Variants in MORF4L1 observed in about 807,000 individuals in gnomAD.
MORF4L1 encodes mortality factor 4-like protein 1.
Under a neutral mutation model 52.9 loss-of-function variants are expected in MORF4L1, and 4 were observed. The observed-to-expected ratio is 0.08, with a 90% CI of 0.04 to 0.17. The LOEUF (loss-of-function observed/expected upper bound fraction) is 0.17, where lower values mean the gene tolerates loss of function less well. Ranked by LOEUF, MORF4L1 falls within the 10% of genes least tolerant of loss-of-function variation. The pLI, the probability that MORF4L1 is intolerant of heterozygous loss-of-function variation, is 1.00. For synonymous variants in MORF4L1, 123 were observed against 134.8 expected, an observed-to-expected ratio of 0.91 and a Z score of 0.61; for missense variants, 214 against 390.4, an observed-to-expected ratio of 0.55 and a Z score of 3.81.
intron 1 of MORF4L1, chr15:78,873,264 A>C: frequency 1.4e-6 from 2 of 1,477,366 alleles, no homozygotes; most frequent in Non-Finnish European, 1.8e-6. Context: ...AGTGCTGCGC[A>C]GGCGTTAGAG....
At chr15:78,881,092 T>G (rs1020236826) in intron 3 of MORF4L1, among the ~76,000 whole-genome samples, 1 of 150,918 alleles carries the variant, frequency 6.6e-6, no homozygotes, top group Non-Finnish European at 1.5e-5. Context: ...TATTTAGTGT[T>G]GACCGAAAAT....
chr15:78,889,593 A>G (rs145612780), intron 5 of MORF4L1, among the ~76,000 whole-genome samples: 205 of 152,310 alleles, frequency 1.3e-3, no homozygotes, highest in African/African-American at 4.8e-3. Flanking sequence ...TGTGAAGACT[A>G]TTGGTTTCTC....
In MORF4L1 at chr15:78,879,603, G is replaced by A. The variant is rs576383487; in HGVS notation, c.88-909G>A. On this transcript the variant is annotated intron_variant, in intron 2 of 11. Coordinates refer to ENST00000426013, the MANE Select transcript of MORF4L1 (RefSeq NM_006791.4). ...CAGGAATTTCTAAGTATATGTATACGTACATACATCTTAATGATATAATGT... is the reference window on the plus strand; with the variant it reads ...CAGGAATTTCTAAGTATATGTATACATACATACATCTTAATGATATAATGT... 2.6e-5 allele frequency among the ~76,000 whole-genome samples: 4 copies of A among 152,164 alleles called. No homozygotes were observed. The South Asian group carries it at 6.2e-4, about 24-fold the overall frequency.
intron 3 of MORF4L1, among the ~76,000 whole-genome samples, chr15:78,884,065 G>A (rs1596244504): frequency 6.6e-6 from 1 of 151,912 alleles, no homozygotes; most frequent in African/African-American, 2.4e-5. Flanking sequence ...TTAGCCAGGT[G>A]TGGTGGTTCA....
intron 10 of MORF4L1, 86 bp from the exon 11 acceptor site, chr15:78,894,734 G>A (rs574217982): frequency 1.7e-4 from 171 of 1,007,300 alleles, no homozygotes; most frequent in Admixed American, 3.4e-4. Context: ...AAAGGAATTG[G>A]TGGTGTTTGC....
intron 6 of MORF4L1, 186 bp downstream of exon 6, chr15:78,891,200 T>G: frequency 1.3e-6 from 1 of 767,538 alleles, no homozygotes; most frequent in South Asian, 1.6e-5. Flanking sequence ...GAGAAACTTG[T>G]GAGCATTTAT....
At position 78,897,364 on chromosome 15, in the gene MORF4L1, ATTC is replaced by A. The variant is rs2056909214; in HGVS notation, c.*298_*300del. The A allele has an allele frequency of 3.7e-6, 1 of 269,898 alleles. No individual in the cohort carries two copies. Among genetic ancestry groups the A allele is most frequent in the Non-Finnish European group, 7.3e-6 (1 of 136,296 alleles). 16.7% of individuals were successfully genotyped at this position (269,898 alleles called of 1,614,324 possible). On this transcript the variant is annotated 3_prime_UTR_variant, in exon 12 of 12. Coordinates refer to ENST00000426013, the MANE Select transcript of MORF4L1 (RefSeq NM_006791.4). ...GCTGCTTTTGAATGCTGGTGGTTCTATTCCTTTGACACTACGCACTTTTATAAT... is the reference window on the plus strand; with the variant it reads ...GCTGCTTTTGAATGCTGGTGGTTCTACTTTGACACTACGCACTTTTATAAT...
intron 7 of MORF4L1, chr15:78,891,846 T>C (rs2056806843): frequency 2.3e-6 from 1 of 435,638 alleles, no homozygotes; most frequent in African/African-American, 2.0e-5. Context: ...TTTTTAGGAG[T>C]TAAAGATGTA....
At chr15:78,879,195 ACT>A (rs371479414) in intron 2 of MORF4L1, among the ~76,000 whole-genome samples, 2 of 151,550 alleles carry the variant, frequency 1.3e-5, no homozygotes, top group African/African-American at 2.4e-5. Flanking sequence ...ACCAAGCGAG[ACT>A]CTCTCTCTCT....
chr15:78,886,177 A>G lies in MORF4L1; in HGVS notation c.192A>G (p.Lys64=), dbSNP rs2056699567. ...GGGTTCCGGAGAGCAGAGTACTCAA[A>G]TACGTGGACACCAATTTGCAGAAAC... is the stretch of plus-strand genomic sequence containing the variant. ...DEWVPESRVL[K]YVDTNLQKQR... The change falls in exon 4 of 12, where the codon AAA becomes AAG. Residue 64 remains lysine, a synonymous_variant. Coordinates refer to ENST00000426013, the MANE Select transcript of MORF4L1 (RefSeq NM_006791.4). 1 of 1,614,140 alleles carries G rather than the reference A, an allele frequency of 6.2e-7. No individual in the cohort carries two copies. The highest frequency in any genetic ancestry group is 1.7e-5 in the Admixed American group (1 of 60,020).
At chr15:78,874,817 C>T (rs2056452457) in intron 1 of MORF4L1, among the ~76,000 whole-genome samples, 1 of 151,308 alleles carries the variant, frequency 6.6e-6, no homozygotes, top group South Asian at 2.1e-4. Flanking sequence ...CATTTTAGAG[C>T]AGATATTCTT....
chr15:78,888,764 C>G (rs2056749725), intron 5 of MORF4L1, among the ~76,000 whole-genome samples: 1 of 151,874 alleles, frequency 6.6e-6, no homozygotes, highest in East Asian at 1.9e-4. Flanking sequence ...GTATTTAATG[C>G]ATTTGGAGAT....
chr15:78,893,418 A>C, intron 8 of MORF4L1, 121 bp from the exon 9 acceptor site: 1 of 678,980 alleles, frequency 1.5e-6, no homozygotes, highest in South Asian at 1.7e-5. Flanking sequence ...AGTGCTGAAT[A>C]GTATCTTTCC....
chr15:78,892,010 C>T (rs12443105), intron 7 of MORF4L1, among the ~76,000 whole-genome samples: 19,604 of 152,122 alleles, frequency 0.13, 1,341 homozygotes, highest in East Asian at 0.26. Flanking sequence ...ACTAAATAGA[C>T]TATAGTTCAG....
At chr15:78,889,412 A>G (rs1453939838) in intron 5 of MORF4L1, among the ~76,000 whole-genome samples, 2 of 152,226 alleles carry the variant, frequency 1.3e-5, no homozygotes, top group African/African-American at 4.8e-5. Flanking sequence ...AAATGCTTCA[A>G]TGAGCATTTC....
chr15:78,877,834 G>A (rs2056524547), intron 1 of MORF4L1: 1 of 163,628 alleles, frequency 6.1e-6, no homozygotes, highest in East Asian at 1.7e-4. Context: ...GGAGAGTAAA[G>A]GTCCTCAACT....
At chr15:78,876,489 A>T in intron 1 of MORF4L1, 3 of 454,684 alleles carry the variant, frequency 6.6e-6, no homozygotes, top group Non-Finnish European at 1.3e-5. Flanking sequence ...ATATTTTTTC[A>T]ACAAAATACT....
chr15:78,889,899 G>A (rs1042855293), intron 5 of MORF4L1, among the ~76,000 whole-genome samples: 4 of 152,052 alleles, frequency 2.6e-5, no homozygotes, highest in East Asian at 1.9e-4. Context: ...TCTATAAACT[G>A]TTTCCTTTGT....
intron 7 of MORF4L1, 34 bp downstream of exon 7, chr15:78,891,606 A>G: frequency 6.6e-7 from 1 of 1,509,228 alleles, no homozygotes; most frequent in South Asian, 1.1e-5. Flanking sequence ...ATAGCATGTT[A>G]GGATTTTTAG....
Sources: allele counts gnomAD v4.1 joint callset (sites outside exome capture counted in the v4.1 genomes callset), GRCh38; gene constraint gnomAD v4.1.1; transcripts MANE v1.5; gene names NCBI Gene and HGNC (gene_info 2026-07-23, HGNC 2026-07-21).